SLC14A2: variants seen among roughly 807,000 people sequenced by gnomAD.
The protein encoded by SLC14A2 is urea transporter 2.
Under a neutral mutation model 104.6 loss-of-function variants are expected in SLC14A2, and 91 were observed. The observed-to-expected ratio is 0.87, with a 90% confidence interval of 0.73 to 1.04. SLC14A2 has a LOEUF of 1.04. Among genes scored for constraint, SLC14A2 ranks in the 50% least tolerant of loss-of-function variants. The pLI is 0.00. For missense variants in SLC14A2, 1,189 were observed against 1,156.0 expected, an observed-to-expected ratio of 1.03 and a Z score of -0.41; for synonymous variants, 476 against 466.4, an observed-to-expected ratio of 1.02 and a Z score of -0.27.
At chr18:45,455,772 G>A (rs1185548099) in intron 1 of SLC14A2, among the ~76,000 whole-genome samples, 2 of 152,144 alleles carry the variant, frequency 1.3e-5, no homozygotes, top group Non-Finnish European at 2.9e-5. Flanking sequence ...ACATTCTAGT[G>A]TAAGAGGGCA....
At chr18:45,285,596 T>C (rs1463511612) in intron 1 of SLC14A2, among the ~76,000 whole-genome samples, 7 of 152,042 alleles carry the variant, frequency 4.6e-5, no homozygotes, top group African/African-American at 1.7e-4. Flanking sequence ...TTTTGTATTT[T>C]TAGCAGAGAT....
Position 45,479,628 on chromosome 18 carries a change from T to C in SLC14A2, c.-124-3605T>C, listed in dbSNP as rs565418957. On this transcript the variant is annotated intron_variant, in intron 1 of 20. Coordinates refer to the SLC14A2 transcript ENST00000586448. The stretch of plus-strand genomic sequence containing the variant: ...CTACAGGAAAACTCTATATAGTCGG[T>C]TTTTCTTTTCCTAGTCTGGTGTCTA... Among the ~76,000 whole-genome samples the C allele has an allele frequency of 4.1e-4, 63 of 152,326 alleles. 1 individual carries two copies. The South Asian group carries it at 7.9e-3, about 19-fold the overall frequency.
At chr18:45,362,939 T>TGG (rs2085627429) in intron 1 of SLC14A2, among the ~76,000 whole-genome samples, 1 of 152,110 alleles carries the variant, frequency 6.6e-6, no homozygotes, top group South Asian at 2.1e-4. Flanking sequence ...GCCATGAGAC[T>TGG]GGAGCTCACT....
At chr18:45,260,949 A>G (rs910676446) in intron 1 of SLC14A2, among the ~76,000 whole-genome samples, 4 of 151,986 alleles carry the variant, frequency 2.6e-5, no homozygotes, top group East Asian at 1.9e-4. Flanking sequence ...CGTGCAATAT[A>G]CCCATGTAAC....
At chr18:45,666,018 C>A in intron 11 of SLC14A2, 119 bp from the exon 12 acceptor site, 1 of 687,922 alleles carries the variant, frequency 1.5e-6, no homozygotes, top group East Asian at 2.6e-5. Flanking sequence ...TGTGCTTCCT[C>A]AGTAGGAACA....
At chr18:45,186,858 T>C in the SLC14A2 span, among the ~76,000 whole-genome samples, 4 of 152,164 alleles carry the variant, frequency 2.6e-5, no homozygotes, top group Non-Finnish European at 5.9e-5. Context: ...CTATGAACTT[T>C]CCATCCAGGG....
chr18:45,639,699 G>A lies in SLC14A2; in HGVS notation c.844-47G>A, dbSNP rs370902062. ...AAATCTGGCCCTGAGTCTGGTTTTT[G>A]CATTATTGTCCATGCTCCAGTGACC... On this transcript the variant is annotated intron_variant, in intron 6 of 19. Coordinates refer to ENST00000255226, the MANE Select transcript of SLC14A2 (RefSeq NM_007163.4). The A allele has an allele frequency of 1.0e-4, 165 of 1,597,626 alleles. 1 individual carries two copies. Among genetic ancestry groups the A allele is most frequent in the Non-Finnish European group, 1.4e-4 (163 of 1,171,360 alleles).
chr18:45,185,562 G>GTT, the SLC14A2 span, among the ~76,000 whole-genome samples: 1 of 152,106 alleles, frequency 6.6e-6, no homozygotes, highest in African/African-American at 2.4e-5. Flanking sequence ...ACCATAGAAT[G>GTT]TTATCTCTCT....
At chr18:45,240,360 T>G (rs1009066553) in intron 1 of SLC14A2, among the ~76,000 whole-genome samples, 3 of 151,698 alleles carry the variant, frequency 2.0e-5, no homozygotes, top group Admixed American at 2.0e-4. Context: ...CCCCCAAAGC[T>G]CTGGGATTAC....
chr18:45,666,569 G>T (rs2144630321), intron 12 of SLC14A2, among the ~76,000 whole-genome samples: 1 of 146,928 alleles, frequency 6.8e-6, no homozygotes, highest in Non-Finnish European at 1.5e-5. Context: ...ATGCCAGGGA[G>T]AAAGCCATTT....
intron 2 of SLC14A2, among the ~76,000 whole-genome samples, chr18:45,534,606 A>G (rs1232211484): frequency 6.6e-6 from 1 of 152,198 alleles, no homozygotes; most frequent in Non-Finnish European, 1.5e-5. Context: ...GAAACTTTAG[A>G]GTTCATCTGG....
chr18:45,568,955 G>A (rs536120737), intron 2 of SLC14A2, among the ~76,000 whole-genome samples: 1 of 152,334 alleles, frequency 6.6e-6, no homozygotes. Context: ...GAAGAGGAAT[G>A]TATTGTAAGC....
chr18:45,432,214 A>G (rs2086527707), intron 1 of SLC14A2, among the ~76,000 whole-genome samples: 1 of 151,970 alleles, frequency 6.6e-6, no homozygotes, highest in Non-Finnish European at 1.5e-5. Context: ...CCAGCACGGA[A>G]CCCTCCCCGT....
chr18:45,457,507 T>A (rs2086965089), intron 1 of SLC14A2, among the ~76,000 whole-genome samples: 1 of 152,174 alleles, frequency 6.6e-6, no homozygotes, highest in African/African-American at 2.4e-5. Context: ...GGGAGTTTCA[T>A]AAAAGTGGCG....
intron 1 of SLC14A2, among the ~76,000 whole-genome samples, chr18:45,475,654 T>TG (rs1415251972): frequency 2.6e-4 from 14 of 53,588 alleles, no homozygotes; most frequent in Non-Finnish European, 3.8e-4. Flanking sequence ...TATATATATA[T>TG]ATATATATAT....
intron 1 of SLC14A2, among the ~76,000 whole-genome samples, chr18:45,249,405 C>T (rs2084399709): frequency 6.6e-6 from 1 of 151,236 alleles, no homozygotes; most frequent in Non-Finnish European, 1.5e-5. Flanking sequence ...GTGCTATTTA[C>T]TTTCTAAGCA....
intron 10 of SLC14A2, chr18:45,647,751 T>C (rs1302629433): frequency 6.7e-6 from 1 of 150,206 alleles, no homozygotes; most frequent in Non-Finnish European, 1.5e-5. Context: ...TATTTAATAA[T>C]GGGTTTCTTA....
the SLC14A2 span, among the ~76,000 whole-genome samples, chr18:45,192,847 G>A: frequency 0.055 from 8,364 of 151,914 alleles, 266 homozygotes; most frequent in Non-Finnish European, 0.066. Flanking sequence ...TAGTAGAGAC[G>A]GGGTTTCACT....
intron 2 of SLC14A2, among the ~76,000 whole-genome samples, chr18:45,573,878 AAC>A (rs1471523963): frequency 6.6e-6 from 1 of 152,254 alleles, no homozygotes; most frequent in Non-Finnish European, 1.5e-5. Flanking sequence ...AAATTTAGAC[AAC>A]AGTGTTGAAA....
Sources: gnomAD v4.1 joint callset for allele counts (sites outside exome capture counted in the v4.1 genomes callset) on GRCh38, gnomAD v4.1.1 for gene constraint, MANE v1.5 for transcripts, NCBI Gene and HGNC (gene_info 2026-07-23, HGNC 2026-07-21) for gene names.